Variants in ANTXR1 observed in about 807,000 individuals in gnomAD.
ANTXR1 encodes ANTXR cell adhesion molecule 1, also known as anthrax toxin receptor 1.
ANTXR1 carries 19 observed loss-of-function variants against 78.1 expected under a neutral mutation model. The ratio of observed to expected loss-of-function variants is 0.24; its 90% CI spans 0.17 to 0.36. The LOEUF (loss-of-function observed/expected upper bound fraction) is 0.36, where lower values mean the gene tolerates loss of function less well. Among genes scored for constraint, ANTXR1 ranks in the 10% least tolerant of loss-of-function variants. The probability of loss-of-function intolerance (pLI) is 1.00; values close to 1 mark genes in which losing one functional copy is unlikely to be tolerated. For synonymous variants in ANTXR1, 273 were observed against 260.5 expected (o/e 1.05, Z -0.46); for missense variants, 518 against 718.6 (o/e 0.72, Z 3.19).
chr2:69,132,486 G>C (rs1476473193), intron 12 of ANTXR1, among the ~76,000 whole-genome samples: 1 of 152,246 alleles, frequency 6.6e-6, no homozygotes, highest in Non-Finnish European at 1.5e-5. Context: ...AGCTGGCATG[G>C]CTGCCCTTGC....
At chr2:69,114,189 G>A (rs1297871258) in intron 10 of ANTXR1, among the ~76,000 whole-genome samples, 3 of 152,184 alleles carry the variant, frequency 2.0e-5, no homozygotes, top group East Asian at 3.8e-4. Context: ...TGGAAGTTGA[G>A]ATTATCAAGG....
At chr2:69,057,332 T>C (rs1670099364) in intron 3 of ANTXR1, among the ~76,000 whole-genome samples, 1 of 152,242 alleles carries the variant, frequency 6.6e-6, no homozygotes, top group African/African-American at 2.4e-5. Flanking sequence ...TTTTACAAAT[T>C]GAAGGTTCAT....
At chr2:69,125,527 G>A (rs1672505311) in intron 12 of ANTXR1, among the ~76,000 whole-genome samples, 1 of 152,164 alleles carries the variant, frequency 6.6e-6, no homozygotes, top group Admixed American at 6.5e-5. Flanking sequence ...GGCAGTCAGG[G>A]CTTAGTTAGC....
At chr2:69,220,048 A>G (rs942562453) in intron 17 of ANTXR1, among the ~76,000 whole-genome samples, 1 of 152,238 alleles carries the variant, frequency 6.6e-6, no homozygotes, top group Non-Finnish European at 1.5e-5. Flanking sequence ...AGCTAGAGCC[A>G]TGATTTAAAG....
intron 16 of ANTXR1, chr2:69,183,011 T>C: frequency 3.5e-6 from 1 of 283,602 alleles, no homozygotes; most frequent in South Asian, 3.8e-5. Context: ...CATGGCAAGG[T>C]ACTGGAAAAA....
intron 11 of ANTXR1, among the ~76,000 whole-genome samples, chr2:69,124,305 G>A (rs778201663): frequency 3.9e-5 from 6 of 152,258 alleles, no homozygotes; most frequent in East Asian, 1.9e-4. Context: ...CTGCAATGCC[G>A]GAACGTCTGA....
chr2:69,179,477 A>C (rs1305153710), intron 14 of ANTXR1, among the ~76,000 whole-genome samples: 1 of 151,120 alleles, frequency 6.6e-6, no homozygotes, highest in Non-Finnish European at 1.5e-5. Flanking sequence ...GAGCTGTGGT[A>C]GTTGAGGCTG....
intron 9 of ANTXR1, among the ~76,000 whole-genome samples, chr2:69,099,414 G>A (rs4627612): frequency 0.92 from 140,756 of 152,288 alleles, 65,178 homozygotes; most frequent in African/African-American, 0.98. Flanking sequence ...CCGTTAATAT[G>A]TAAGTTTTTG....
intron 17 of ANTXR1, among the ~76,000 whole-genome samples, chr2:69,201,786 G>A (rs1674778213): frequency 6.6e-6 from 1 of 152,198 alleles, no homozygotes; most frequent in African/African-American, 2.4e-5. Context: ...GATGAGGACA[G>A]CTTTGCGAGG....
chr2:69,181,695 A>T, intron 14 of ANTXR1, 91 bp from the exon 15 acceptor site: 1 of 1,258,308 alleles, frequency 7.9e-7, no homozygotes, highest in Non-Finnish European at 1.2e-6. Context: ...GTCTGACTCT[A>T]TAAGCTCTAC....
chr2:69,199,275 C>A (rs1183637310), intron 17 of ANTXR1, among the ~76,000 whole-genome samples: 1 of 152,142 alleles, frequency 6.6e-6, no homozygotes, highest in Non-Finnish European at 1.5e-5. Context: ...TAACAAACTC[C>A]CATGTGATGC....
rs552550668 is a variant in ANTXR1 at position 69,157,147 on chromosome 2, C to A, written c.1047+4883C>A. 2.0e-4 allele frequency among the ~76,000 whole-genome samples: 31 copies of A among 152,268 alleles called. No individual in the cohort carries two copies. The East Asian group carries it at 4.8e-3, about 24-fold the overall frequency. ...TCCATTCACTTCTCATTCTTCTTTA[C>A]CTCTTTCAGCAGTAGGCACTGTCGA... On this transcript the variant is annotated intron_variant, in intron 13 of 17. Coordinates refer to ENST00000303714, the MANE Select transcript of ANTXR1 (RefSeq NM_032208.3).
intron 16 of ANTXR1, 113 bp downstream of exon 16, chr2:69,182,773 A>T (rs1674309924): frequency 1.5e-6 from 2 of 1,350,424 alleles, no homozygotes; most frequent in Non-Finnish European, 2.1e-6. Flanking sequence ...AGCTTATCAC[A>T]GGGGAACAAT....
At chr2:69,086,106 C>A (rs1000970655) in intron 8 of ANTXR1, among the ~76,000 whole-genome samples, 1 of 152,168 alleles carries the variant, frequency 6.6e-6, no homozygotes, top group Non-Finnish European at 1.5e-5. Context: ...ATTATAAACA[C>A]ACAAAAAAGT....
intron 10 of ANTXR1, among the ~76,000 whole-genome samples, chr2:69,103,908 C>A (rs1382583156): frequency 6.6e-6 from 1 of 151,732 alleles, no homozygotes; most frequent in Non-Finnish European, 1.5e-5. Context: ...TGACTAATCA[C>A]TCACACTAGT....
chr2:69,124,552 G>C lies in ANTXR1; in HGVS notation c.873-13G>C, dbSNP rs771800638. ...GCCCTGCTGAGAGTCTGCTTCCCTT[G>C]TTGTCATTGCAGGAAAGCTGCACTC... On this transcript the variant is annotated splice_polypyrimidine_tract_variant and intron_variant, in intron 11 of 17. Transcript: ENST00000303714. 2 of 1,613,574 alleles carry C rather than the reference G, an allele frequency of 1.2e-6. No homozygotes were observed. Among genetic ancestry groups the C allele is most frequent in the African/African-American group, 2.7e-5 (2 of 74,890 alleles).
chr2:69,102,978 T>A (rs1165887109), intron 10 of ANTXR1, 38 bp downstream of exon 10: 3 of 1,592,208 alleles, frequency 1.9e-6, no homozygotes, highest in African/African-American at 1.3e-5. Context: ...CTTCGACAAG[T>A]GGCTTCAAGG....
At chr2:69,190,855 A>G (rs1176017358) in intron 16 of ANTXR1, among the ~76,000 whole-genome samples, 1 of 152,162 alleles carries the variant, frequency 6.6e-6, no homozygotes, top group Admixed American at 6.5e-5. Context: ...TGAGTTAATT[A>G]ATGTGTTCCT....
chr2:69,198,680 A>T (rs144266819), intron 17 of ANTXR1, among the ~76,000 whole-genome samples: 1 of 152,250 alleles, frequency 6.6e-6, no homozygotes, highest in African/African-American at 2.4e-5. Flanking sequence ...CTTTTGTTTC[A>T]AATTTAGAGA....
Sources: gnomAD v4.1 joint callset for allele counts (sites outside exome capture counted in the v4.1 genomes callset) on GRCh38, gnomAD v4.1.1 for gene constraint, MANE v1.5 for transcripts, NCBI Gene and HGNC (gene_info 2026-07-23, HGNC 2026-07-21) for gene names.